The following SIDT1 variants were observed in gnomAD, a reference collection of about 807,000 sequenced individuals.
SIDT1 encodes the protein SID1 transmembrane family member 1, also known as SID1 transmembrane family, member 1.
Under a neutral mutation model 107.5 loss-of-function variants are expected in SIDT1, and 101 were observed. The ratio of observed to expected loss-of-function variants is 0.94; its 90% CI spans 0.80 to 1.11. The LOEUF (loss-of-function observed/expected upper bound fraction) is 1.11. Among genes scored for constraint, SIDT1 ranks in the 50% least tolerant of loss-of-function variants. SIDT1 has a pLI of 0.00. For synonymous variants in SIDT1, 395 were observed against 398.2 expected (o/e 0.99, Z 0.10); for missense variants, 1,076 against 1,058.2 (o/e 1.02, Z -0.23).
chr3:113,564,846 A>C (rs1006638029), intron 1 of SIDT1, among the ~76,000 whole-genome samples: 8 of 152,222 alleles, frequency 5.3e-5, no homozygotes, highest in Non-Finnish European at 8.8e-5. Context: ...TTCCATGGAA[A>C]CATGTAGAGT....
intron 11 of SIDT1, 133 bp downstream of exon 11, chr3:113,601,792 A>G (rs1944979393): frequency 1.7e-6 from 1 of 577,328 alleles, no homozygotes; most frequent in Non-Finnish European, 3.0e-6. Context: ...TTTATTTGTA[A>G]GATGAGTTGC....
At chr3:113,563,851 A>T (rs1052680496) in intron 1 of SIDT1, among the ~76,000 whole-genome samples, 3 of 152,196 alleles carry the variant, frequency 2.0e-5, no homozygotes, top group Non-Finnish European at 4.4e-5. Flanking sequence ...TGTTGTATTT[A>T]AGTTCAAAAG....
chr3:113,590,511 G>T (rs1249649913), intron 9 of SIDT1, among the ~76,000 whole-genome samples: 2 of 152,146 alleles, frequency 1.3e-5, no homozygotes, highest in Non-Finnish European at 2.9e-5. Context: ...CCCCTTTAAA[G>T]TATACAATTC....
At chr3:113,535,687 CA>C in intron 1 of SIDT1, among the ~76,000 whole-genome samples, 1 of 152,158 alleles carries the variant, frequency 6.6e-6, no homozygotes, top group Admixed American at 6.5e-5. Flanking sequence ...CAGGAGATAA[CA>C]AGAATTTCAA....
At chr3:113,539,912 G>T (rs547629234) in intron 1 of SIDT1, among the ~76,000 whole-genome samples, 1 of 151,880 alleles carries the variant, frequency 6.6e-6, no homozygotes, top group Non-Finnish European at 1.5e-5. Flanking sequence ...GCTGAGGCAG[G>T]AGACTCACTT....
chr3:113,613,125 G>A lies in SIDT1; in HGVS notation c.1966+931G>A, dbSNP rs192672595. 3.8e-3 allele frequency among the ~76,000 whole-genome samples: 582 copies of A among 152,308 alleles called. 4 individuals carry two copies. The highest frequency in any genetic ancestry group is 0.013 in the African/African-American group (556 of 41,550). On this transcript the variant is annotated intron_variant, in intron 19 of 24. Transcript: ENST00000264852. ...TTTCTACCTCTGGTTGTGTCTTAAG[G>A]AGTCTCACAAGTGTGCATGTGGCAC... is the stretch of plus-strand genomic sequence containing the variant.
intron 10 of SIDT1, among the ~76,000 whole-genome samples, chr3:113,596,344 C>G (rs890203681): frequency 3.9e-5 from 6 of 152,212 alleles, no homozygotes; most frequent in African/African-American, 1.4e-4. Context: ...CTGTGCGCTA[C>G]TCTGCATTTG....
intron 1 of SIDT1, among the ~76,000 whole-genome samples, chr3:113,547,220 C>T (rs1939692335): frequency 6.6e-6 from 1 of 151,788 alleles, no homozygotes; most frequent in Admixed American, 6.6e-5. Context: ...CACACTATCC[C>T]CAGAAATACG....
chr3:113,612,509 G>A (rs991344382), intron 19 of SIDT1: 6 of 459,428 alleles, frequency 1.3e-5, no homozygotes, highest in African/African-American at 1.2e-4. Context: ...TTAGAGAATG[G>A]TATGATCATA....
At chr3:113,582,298 A>C (rs1209742768) in intron 6 of SIDT1, among the ~76,000 whole-genome samples, 1 of 152,176 alleles carries the variant, frequency 6.6e-6, no homozygotes, top group African/African-American at 2.4e-5. Flanking sequence ...TACTTAAAGT[A>C]CCTGCAGCGT....
At chr3:113,534,135 C>T (rs1159268234) in intron 1 of SIDT1, among the ~76,000 whole-genome samples, 2 of 152,134 alleles carry the variant, frequency 1.3e-5, no homozygotes, top group African/African-American at 4.8e-5. Flanking sequence ...AGTGTACCAA[C>T]CTCTGGATCT....
At position 113,581,384 on chromosome 3, in the gene SIDT1, CAAT is replaced by C. The variant is rs766597572; in HGVS notation, c.688_690del (p.Asn230del). 3 of 1,613,916 alleles carry C rather than the reference CAAT, an allele frequency of 1.9e-6. No individual in the cohort carries two copies. The South Asian group carries it at 3.3e-5, about 18-fold the overall frequency. ...AGTGCCCGGTGTATGATCTCGACCA[CAAT>C]GTGGAATTTAATGGTGTCTATCAGT... On this transcript the variant is annotated inframe_deletion, in exon 6 of 25. Transcript: ENST00000264852.
chr3:113,620,684 C>T (rs188505996), intron 21 of SIDT1, among the ~76,000 whole-genome samples: 1 of 152,278 alleles, frequency 6.6e-6, no homozygotes, highest in Non-Finnish European at 1.5e-5. Context: ...TACCATTTAA[C>T]GATTCCTCCT....
intron 1 of SIDT1, among the ~76,000 whole-genome samples, chr3:113,556,411 T>C (rs1940862828): frequency 1.3e-5 from 2 of 151,364 alleles, no homozygotes; most frequent in South Asian, 4.1e-4. Flanking sequence ...AAGAAAGGGA[T>C]TCAGGACTGC....
At position 113,608,136 on chromosome 3, in the gene SIDT1, G is replaced by A; in HGVS notation, c.1521G>A (p.Leu507=). 1 of 1,612,374 alleles carries A rather than the reference G, an allele frequency of 6.2e-7. No homozygotes were observed. Among genetic ancestry groups the A allele is most frequent in the Non-Finnish European group, 8.5e-7 (1 of 1,179,322 alleles). ...NILSNLGHVL[L]GFLFLLIVLR... Reference sequence around the variant, plus strand: ...TCAGCAATCTGGGCCACGTGCTTCTGGGCTTCCTCTTCCTGCTGATAGTCT... The same window carrying A: ...TCAGCAATCTGGGCCACGTGCTTCTAGGCTTCCTCTTCCTGCTGATAGTCT... The change falls in exon 16 of 25, where the codon CTG becomes CTA. Residue 507 remains leucine, a synonymous_variant. Transcript: ENST00000264852.
chr3:113,597,390 A>G (rs902384636), intron 10 of SIDT1, among the ~76,000 whole-genome samples: 8 of 150,760 alleles, frequency 5.3e-5, no homozygotes, highest in Non-Finnish European at 1.0e-4. Context: ...CCAGCTACTC[A>G]GGAGGCTGAG....
intron 1 of SIDT1, among the ~76,000 whole-genome samples, chr3:113,557,055 C>T (rs1036723815): frequency 6.6e-6 from 1 of 152,054 alleles, no homozygotes; most frequent in Non-Finnish European, 1.5e-5. Context: ...AGGTGATCCA[C>T]CCACCTCCTC....
Position 113,560,066 on chromosome 3 carries a change from G to A in SIDT1, c.223-6354G>A, listed in dbSNP as rs147133931. On this transcript the variant is annotated intron_variant, in intron 1 of 24. Transcript: ENST00000264852. ...TTCTAGTCATGATTGTTCCATCGCTGAGTATCCTTGGAGAGGTGCCATCAT... is the reference window on the plus strand; with the variant it reads ...TTCTAGTCATGATTGTTCCATCGCTAAGTATCCTTGGAGAGGTGCCATCAT... Among the ~76,000 whole-genome samples the A allele has an allele frequency of 1.6e-3, 243 of 152,308 alleles. 2 individuals are homozygous for A. The highest frequency in any genetic ancestry group is 6.8e-3 in the Middle Eastern group (2 of 294).
At chr3:113,608,072 G>C in intron 15 of SIDT1, 22 bp from the exon 16 acceptor site, 1 of 1,553,240 alleles carries the variant, frequency 6.4e-7, no homozygotes, top group African/African-American at 1.4e-5. Context: ...ACTCTCTCAT[G>C]GTCTCTCACT....
Sources: gnomAD v4.1 joint callset for allele counts (sites outside exome capture counted in the v4.1 genomes callset) on GRCh38, gnomAD v4.1.1 for gene constraint, MANE v1.5 for transcripts, NCBI Gene and HGNC (gene_info 2026-07-23, HGNC 2026-07-21) for gene names.